SLC17A1: variants seen among roughly 807,000 people sequenced by gnomAD.
SLC17A1 encodes the protein sodium-dependent phosphate transport protein 1.
A neutral mutation model predicts 53.5 loss-of-function variants in SLC17A1; 51 were observed. The observed-to-expected ratio is 0.95, with a 90% CI of 0.76 to 1.20. SLC17A1 has a LOEUF of 1.20. Among genes scored for constraint, SLC17A1 ranks in the 50% most tolerant of loss-of-function variants. The probability of loss-of-function intolerance (pLI) is 0.00; values close to 1 mark genes in which losing one functional copy is unlikely to be tolerated. For missense variants in SLC17A1, 538 were observed against 568.2 expected, an observed-to-expected ratio of 0.95 and a Z score of 0.54; for synonymous variants, 179 against 198.8, an observed-to-expected ratio of 0.90 and a Z score of 0.84.
intron 12 of SLC17A1, among the ~76,000 whole-genome samples, chr6:25,789,772 A>G (rs1328789352): frequency 6.6e-6 from 1 of 151,744 alleles, no homozygotes; most frequent in East Asian, 1.9e-4. Flanking sequence ...TAAAGAAACT[A>G]AAGAGACATG....
the SLC17A1 span, among the ~76,000 whole-genome samples, chr6:25,752,844 C>T: frequency 7.3e-4 from 110 of 151,670 alleles, no homozygotes; most frequent in African/African-American, 2.6e-3. Context: ...CCCAGCTACT[C>T]GGGAGGCTGA....
At chr6:25,728,736 C>G in the SLC17A1 span, among the ~76,000 whole-genome samples, 1 of 152,192 alleles carries the variant, frequency 6.6e-6, no homozygotes, top group African/African-American at 2.4e-5. Context: ...ATCCCTTGAA[C>G]CCGGGAGGCG....
chr6:25,732,058 C>G, the SLC17A1 span: 2 of 1,254,848 alleles, frequency 1.6e-6, no homozygotes, highest in Non-Finnish European at 1.1e-6. Flanking sequence ...GAATAGCTCT[C>G]TTTGCGGCAT....
At chr6:25,814,806 A>G (rs1764279639) in intron 6 of SLC17A1, among the ~76,000 whole-genome samples, 1 of 152,154 alleles carries the variant, frequency 6.6e-6, no homozygotes. Context: ...CAACATGGTG[A>G]AGCCCCGTCT....
chr6:25,811,241 C>A (rs1212364532), intron 10 of SLC17A1, among the ~76,000 whole-genome samples, 157 bp downstream of exon 10: 4 of 151,978 alleles, frequency 2.6e-5, no homozygotes, highest in Non-Finnish European at 5.9e-5. Context: ...CCCACACACA[C>A]AAAAATGCTA....
At chr6:25,733,822 GTGTGT>G in the SLC17A1 span, among the ~76,000 whole-genome samples, 1 of 151,334 alleles carries the variant, frequency 6.6e-6, no homozygotes, top group Non-Finnish European at 1.5e-5. Context: ...GTGTGTGTGT[GTGTGT>G]GTGTGTGTGT....
chr6:25,781,947 A>G (rs1246182633), downstream of SLC17A1, among the ~76,000 whole-genome samples: 1 of 152,228 alleles, frequency 6.6e-6, no homozygotes, highest in Non-Finnish European at 1.5e-5. Context: ...GTTGAAAACA[A>G]ACATGTTTAA....
chr6:25,795,427 A>G (rs1763583747), intron 12 of SLC17A1, among the ~76,000 whole-genome samples: 1 of 152,218 alleles, frequency 6.6e-6, no homozygotes. Flanking sequence ...GCATAAGCAC[A>G]ATCAAAATTT....
chr6:25,734,077 A>G, the SLC17A1 span, among the ~76,000 whole-genome samples: 2 of 152,086 alleles, frequency 1.3e-5, no homozygotes, highest in African/African-American at 4.8e-5. Context: ...GAGCCTCCCA[A>G]AGTGCTGGGA....
At chr6:25,796,993 C>A (rs1379262160) in intron 12 of SLC17A1, among the ~76,000 whole-genome samples, 8 of 152,210 alleles carry the variant, frequency 5.3e-5, no homozygotes, top group Non-Finnish European at 2.9e-5. Flanking sequence ...CCAAGGCCAA[C>A]CCTGGCTGTG....
chr6:25,783,318 A>G (rs918973244), intron 12 of SLC17A1, 100 bp from the exon 13 acceptor site: 29 of 152,184 alleles, frequency 1.9e-4, no homozygotes, highest in Non-Finnish European at 1.3e-4. Flanking sequence ...TTTCAAAAAG[A>G]TGGTCTCGTG....
chr6:25,732,185 G>A, the SLC17A1 span: 1 of 390,618 alleles, frequency 2.6e-6, no homozygotes. Flanking sequence ...AGTTCACAGG[G>A]AGATCACTAA....
chr6:25,758,944 C>A, the SLC17A1 span, among the ~76,000 whole-genome samples: 1 of 152,126 alleles, frequency 6.6e-6, no homozygotes, highest in East Asian at 1.9e-4. Context: ...ATGGTATGAA[C>A]TTTCCTCTTA....
intron 12 of SLC17A1, among the ~76,000 whole-genome samples, chr6:25,793,127 T>G (rs1238316979): frequency 1.3e-5 from 2 of 152,170 alleles, no homozygotes; most frequent in African/African-American, 2.4e-5. Context: ...TCTCTTTACT[T>G]ATGAGATTGA....
chr6:25,724,548 G>A, the SLC17A1 span, among the ~76,000 whole-genome samples: 5 of 152,158 alleles, frequency 3.3e-5, no homozygotes, highest in Non-Finnish European at 7.4e-5. Context: ...TTAGTTTAAT[G>A]CAATTTTAAT....
At chr6:25,762,155 A>T in the SLC17A1 span, 1 of 936,214 alleles carries the variant, frequency 1.1e-6, no homozygotes, top group Non-Finnish European at 1.6e-6. Flanking sequence ...TCTTTTGTTG[A>T]TACACATCAT....
intron 12 of SLC17A1, among the ~76,000 whole-genome samples, chr6:25,793,139 C>T (rs1244973704): frequency 6.6e-6 from 1 of 152,134 alleles, no homozygotes; most frequent in African/African-American, 2.4e-5. Context: ...TGAGATTGAA[C>T]CACCCTGCCC....
At chr6:25,746,998 A>T in the SLC17A1 span, among the ~76,000 whole-genome samples, 1 of 152,332 alleles carries the variant, frequency 6.6e-6, no homozygotes, top group East Asian at 1.9e-4. Flanking sequence ...CAACTCTTAT[A>T]AGTTCACAGT....
chr6:25,826,258 G>A (rs113342715), intron 3 of SLC17A1, among the ~76,000 whole-genome samples: 3 of 152,146 alleles, frequency 2.0e-5, no homozygotes, highest in African/African-American at 7.2e-5. Context: ...CACATAGAAG[G>A]ATTTACACAA....
Sources: gnomAD v4.1 joint callset for allele counts (sites outside exome capture counted in the v4.1 genomes callset) on GRCh38, gnomAD v4.1.1 for gene constraint, MANE v1.5 for transcripts, NCBI Gene and HGNC (gene_info 2026-07-23, HGNC 2026-07-21) for gene names.